Variants in USP49 observed in about 807,000 individuals in gnomAD.
The protein encoded by USP49 is ubiquitin carboxyl-terminal hydrolase 49.
Under a neutral mutation model 58.6 loss-of-function variants are expected in USP49, and 24 were observed. The observed-to-expected ratio is 0.41, with a 90% CI of 0.30 to 0.58. The LOEUF (loss-of-function observed/expected upper bound fraction) is 0.58, where lower values mean the gene tolerates loss of function less well. Ranked by LOEUF, USP49 falls within the 20% of genes least tolerant of loss-of-function variation. USP49 has a pLI of 0.30. For synonymous variants in USP49, 408 were observed against 365.1 expected (o/e 1.12, Z -1.34); for missense variants, 703 against 866.1 (o/e 0.81, Z 2.36).
intron 5 of USP49, among the ~76,000 whole-genome samples, chr6:41,802,428 T>TTTTATTTA (rs1554142793): frequency 0.012 from 1,309 of 106,416 alleles, 32 homozygotes; most frequent in Non-Finnish European, 0.017. Context: ...TTTTATTTTA[T>TTTTATTTA]TTTATTTATT....
chr6:41,798,059 A>G (rs143695492), intron 7 of USP49: 2,046 of 155,170 alleles, frequency 0.013, 27 homozygotes, highest in South Asian at 0.059. Flanking sequence ...GTAGAGATGC[A>G]GTCTCGCTAT....
chr6:41,870,244 T>C (rs1237383657), intron 3 of USP49, among the ~76,000 whole-genome samples: 1 of 152,248 alleles, frequency 6.6e-6, no homozygotes, highest in Non-Finnish European at 1.5e-5. Context: ...AGCATTTTAT[T>C]GTCCTCACCT....
At position 41,803,924 on chromosome 6, in the gene USP49, G is replaced by A; in HGVS notation, c.1443C>T (p.Cys481=). The change falls in exon 5 of 8, where the codon TGC becomes TGT. Residue 481 remains cysteine (C), a synonymous_variant. Transcript: ENST00000682992. The surrounding 1 kb of genome is among the most constrained non-coding windows in gnomAD (Gnocchi z 4.1). ...TCAAAGGGACAAACCCCTTTTCTAT[G>A]CAGTGATAGCGTTCAGGGAATTCCA... The part of the protein sequence containing the change: ...LSLEFPERYH[C]IEKGFVPLNQ... 1.2e-6 allele frequency: 2 copies of A among 1,614,182 alleles called. No homozygotes were observed. The highest frequency in any genetic ancestry group is 1.7e-6 in the Non-Finnish European group (2 of 1,180,038).
At chr6:41,878,547 G>A (rs114948253) in intron 2 of USP49, among the ~76,000 whole-genome samples, 2,007 of 152,212 alleles carry the variant, frequency 0.013, 27 homozygotes, top group South Asian at 0.062. Flanking sequence ...GCATATACCA[G>A]AGTTGCTACT....
chr6:41,836,651 A>T (rs1316358435), intron 3 of USP49, among the ~76,000 whole-genome samples: 3 of 152,208 alleles, frequency 2.0e-5, no homozygotes, highest in Non-Finnish European at 4.4e-5. Context: ...TAAATCGATA[A>T]ATAAAAATAC....
intron 2 of USP49, among the ~76,000 whole-genome samples, chr6:41,872,742 CA>C (rs561693628): frequency 1.5e-3 from 192 of 126,928 alleles, no homozygotes; most frequent in Middle Eastern, 4.1e-3. Context: ...ACTAAAAATA[CA>C]AAAAAAAAAA....
rs558588725 is a variant in USP49, at chr6:41,832,010, C to T, written c.-28-24999G>A. Among the ~76,000 whole-genome samples the T allele has an allele frequency of 2.1e-3, 317 of 152,324 alleles. 5 individuals are homozygous for T. The highest frequency in any genetic ancestry group is 3.7e-3 in the Non-Finnish European group (252 of 68,030). Reference sequence around the variant, plus strand: ...AAGGCTTTTCCTGACCATTCTACTACCCAGTGAATCTCTCCCTCAAAGAAC... The same window carrying T: ...AAGGCTTTTCCTGACCATTCTACTATCCAGTGAATCTCTCCCTCAAAGAAC... On this transcript the variant is annotated intron_variant, in intron 3 of 7. Transcript: ENST00000682992.
intron 3 of USP49, among the ~76,000 whole-genome samples, chr6:41,824,291 A>C (rs112657822): frequency 0.017 from 2,581 of 152,242 alleles, 56 homozygotes; most frequent in African/African-American, 0.052. Context: ...AAACAAGAAA[A>C]ATCACTATCT....
At chr6:41,813,467 A>T (rs1773293815) in intron 3 of USP49, among the ~76,000 whole-genome samples, 1 of 152,222 alleles carries the variant, frequency 6.6e-6, no homozygotes, top group Non-Finnish European at 1.5e-5. Flanking sequence ...AAAAAAAAAT[A>T]TGCTGGAACA....
Position 41,803,979 on chromosome 6 carries a change from T to A in USP49, c.1388A>T (p.Asn463Ile). Residue 463 changes from asparagine to isoleucine, a missense_variant, in exon 5 of 8, where the codon AAT (asparagine) becomes ATT (isoleucine). Asn to Ile is a moderately radical substitution (Grantham distance 149). Around this residue, in one of 6 missense-constraint regions of USP49, gnomAD observed 158 missense variants for 241.2 expected, o/e 0.66. Transcript: ENST00000682992. The surrounding 1 kb of genome is among the most constrained non-coding windows in gnomAD (Gnocchi z 4.1). ...VTCISCNYKSNTIEPFWDLSL... is the reference protein window; with the variant it reads ...VTCISCNYKSITIEPFWDLSL... ...TAGGTCCCAAAAGGGCTCAATGGTA[T>A]TGGATTTGTAATTGCATGATATACA... is the stretch of plus-strand genomic sequence containing the variant. 1 of 1,614,184 alleles carries A rather than the reference T, an allele frequency of 6.2e-7. No individual in the cohort carries two copies. The highest frequency in any genetic ancestry group is 8.5e-7 in the Non-Finnish European group (1 of 1,180,038).
chr6:41,800,605 G>C (rs938200681), intron 5 of USP49, among the ~76,000 whole-genome samples: 1 of 152,128 alleles, frequency 6.6e-6, no homozygotes, highest in Non-Finnish European at 1.5e-5. Flanking sequence ...ATTTTAAAAA[G>C]CTTTTTGTTT....
At chr6:41,801,439 G>A (rs1164675905) in intron 5 of USP49, among the ~76,000 whole-genome samples, 2 of 152,220 alleles carry the variant, frequency 1.3e-5, no homozygotes, top group Non-Finnish European at 2.9e-5. Flanking sequence ...GACTGCATCA[G>A]AATGAGTGTG....
chr6:41,881,990 T>G (rs1463700191), intron 2 of USP49, among the ~76,000 whole-genome samples: 1 of 151,500 alleles, frequency 6.6e-6, no homozygotes, highest in African/African-American at 2.4e-5. Context: ...AACAGGACAT[T>G]TTGGGGAGGG....
intron 3 of USP49, among the ~76,000 whole-genome samples, chr6:41,857,614 G>C (rs1338321644): frequency 6.6e-6 from 1 of 152,196 alleles, no homozygotes; most frequent in South Asian, 2.1e-4. Flanking sequence ...CTGGGCAACA[G>C]AGTGAGACCC....
chr6:41,884,781 A>G (rs1001063921), intron 2 of USP49, among the ~76,000 whole-genome samples: 3 of 152,220 alleles, frequency 2.0e-5, no homozygotes, highest in African/African-American at 4.8e-5. Context: ...TTCAAGTCAG[A>G]TATGTTTTAA....
At chr6:41,817,831 G>T (rs1773383801) in intron 3 of USP49, among the ~76,000 whole-genome samples, 1 of 151,724 alleles carries the variant, frequency 6.6e-6, no homozygotes, top group African/African-American at 2.4e-5. Context: ...AGCCAGACTG[G>T]TCTCGAACTC....
At chr6:41,800,400 T>C (rs1772976935) in intron 5 of USP49, among the ~76,000 whole-genome samples, 1 of 152,168 alleles carries the variant, frequency 6.6e-6, no homozygotes, top group South Asian at 2.1e-4. Flanking sequence ...CAATAAAATC[T>C]CTCATTTTAA....
intron 3 of USP49, among the ~76,000 whole-genome samples, chr6:41,822,000 G>C (rs1221659820): frequency 6.6e-6 from 1 of 152,154 alleles, no homozygotes; most frequent in East Asian, 1.9e-4. Flanking sequence ...CAACCAACAG[G>C]TTGGTTTTCA....
At chr6:41,832,375 C>T (rs772579189) in intron 3 of USP49, among the ~76,000 whole-genome samples, 1 of 152,192 alleles carries the variant, frequency 6.6e-6, no homozygotes, top group Non-Finnish European at 1.5e-5. Flanking sequence ...ATCATGCTTT[C>T]CTAGCTACAT....
Sources: gnomAD v4.1 joint callset for allele counts (sites outside exome capture counted in the v4.1 genomes callset) on GRCh38, gnomAD v4.1.1 for gene constraint, gnomAD v4.1.1 regional missense constraint, Gnocchi (gnomAD v3.1) non-coding constraint, MANE v1.5 for transcripts, NCBI Gene and HGNC (gene_info 2026-07-23, HGNC 2026-07-21) for gene names.